Variants in IL12RB2 observed in about 807,000 individuals in gnomAD.
IL12RB2 encodes the protein interleukin 12 receptor subunit beta 2, also known as interleukin-12 receptor subunit beta-2.
A neutral mutation model predicts 89.4 loss-of-function variants in IL12RB2; 82 were observed. That is an observed-to-expected ratio of 0.92 (90% CI 0.77 to 1.10). IL12RB2 has a LOEUF of 1.10. Among genes scored for constraint, IL12RB2 ranks in the 50% least tolerant of loss-of-function variants. IL12RB2 has a pLI of 0.00. For missense variants in IL12RB2, 963 were observed against 1,031.9 expected (o/e 0.93, Z 0.92); for synonymous variants, 368 against 370.1 (o/e 0.99, Z 0.07).
intron 11 of IL12RB2, among the ~76,000 whole-genome samples, chr1:67,371,352 T>G (rs1249151791): frequency 6.6e-6 from 1 of 152,088 alleles, no homozygotes; most frequent in Admixed American, 6.6e-5. Flanking sequence ...TAATGAGCAA[T>G]GGATTTTCAT....
At chr1:67,373,416 G>T (rs1663590690) in intron 13 of IL12RB2, among the ~76,000 whole-genome samples, 1 of 152,238 alleles carries the variant, frequency 6.6e-6, no homozygotes. Context: ...CGCCAATCCT[G>T]TATAGGCCTT....
intron 3 of IL12RB2, 87 bp downstream of exon 3, chr1:67,320,531 T>G: frequency 6.3e-7 from 1 of 1,599,304 alleles, no homozygotes; most frequent in Non-Finnish European, 8.5e-7. Context: ...TGGTAAATGT[T>G]CTGGTAGTTG....
rs891417733 is a variant in IL12RB2 at position 67,397,429 on chromosome 1, G to T, written c.*1340G>T. Among the ~76,000 whole-genome samples, 3 of 152,184 alleles carry T rather than the reference G, an allele frequency of 2.0e-5. No individual in the cohort carries two copies. The highest frequency in any genetic ancestry group is 7.2e-5 in the African/African-American group (3 of 41,450). On this transcript the variant is annotated 3_prime_UTR_variant, in exon 17 of 17. Transcript: ENST00000674203. ...GTCTAAGACCCCAACCTCTGAGGTT[G>T]TCCTCAGAAGTGGTCTGTCCCCTGT...
chr1:67,383,127 G>A (rs540248431), intron 14 of IL12RB2, among the ~76,000 whole-genome samples: 13 of 152,272 alleles, frequency 8.5e-5, no homozygotes, highest in East Asian at 3.9e-4. Context: ...ACTTATAATC[G>A]TGGCAGAAGG....
At position 67,396,552 on chromosome 1, in the gene IL12RB2, A is replaced by C. The variant is rs567564583; in HGVS notation, c.*463A>C. Reference sequence around the variant, plus strand: ...GATGATGGAAATGTTCTACCTCTGCACTCACTGTCCAGTACATTAGACACT... The same window carrying C: ...GATGATGGAAATGTTCTACCTCTGCCCTCACTGTCCAGTACATTAGACACT... On this transcript the variant is annotated 3_prime_UTR_variant, in exon 17 of 17. Transcript: ENST00000674203. 4.3e-6 allele frequency: 1 copy of C among 231,278 alleles called. No homozygotes were observed. Among genetic ancestry groups the C allele is most frequent in the Non-Finnish European group, 8.6e-6 (1 of 115,776 alleles). The allele number at this position is 231,278 out of a possible 1,614,324, so 14.3% of individuals were successfully genotyped here.
intron 14 of IL12RB2, among the ~76,000 whole-genome samples, chr1:67,381,946 A>T (rs1664645766): frequency 6.6e-6 from 1 of 152,118 alleles, no homozygotes; most frequent in South Asian, 2.1e-4. Context: ...AGATCGCACC[A>T]CTGCACTCCA....
In IL12RB2 at chr1:67,396,135, C is replaced by A; in HGVS notation, c.*46C>A. 1.8e-6 allele frequency: 2 copies of A among 1,104,344 alleles called. No homozygotes were observed. The highest frequency in any genetic ancestry group is 1.5e-5 in the African/African-American group (1 of 65,378). The allele number at this position is 1,104,344 out of a possible 1,614,324, so 68.4% of individuals were successfully genotyped here. A position where few individuals can be genotyped will look rare whatever the true frequency, so the allele number is the denominator to read the frequency against. On this transcript the variant is annotated 3_prime_UTR_variant, in exon 17 of 17. Transcript: ENST00000674203. Reference sequence around the variant, plus strand: ...AAAGTCAGTGTGCCCTCAACCAGCACAGCCTGCCCCAATTCCCCCAGCCCC... The same window carrying A: ...AAAGTCAGTGTGCCCTCAACCAGCAAAGCCTGCCCCAATTCCCCCAGCCCC...
At chr1:67,386,872 T>TTTTA (rs1473033781) in intron 15 of IL12RB2, among the ~76,000 whole-genome samples, 887 of 47,984 alleles carry the variant, frequency 0.018, 4 homozygotes, top group Non-Finnish European at 0.029. Context: ...GAAATGTATT[T>TTTTA]TATATATATA....
chr1:67,366,098 T>C (rs1662632675), intron 10 of IL12RB2, among the ~76,000 whole-genome samples: 1 of 152,086 alleles, frequency 6.6e-6, no homozygotes, highest in African/African-American at 2.4e-5. Flanking sequence ...AATTGGCAGT[T>C]CATGGAAGGG....
chr1:67,374,093 T>C (rs940302976), intron 13 of IL12RB2, among the ~76,000 whole-genome samples: 2 of 149,664 alleles, frequency 1.3e-5, no homozygotes, highest in African/African-American at 4.9e-5. Context: ...TACAAGAATA[T>C]AGTTGAGATC....
chr1:67,372,658 C>T lies in IL12RB2; in HGVS notation c.1592C>T (p.Thr531Ile). Reference sequence around the variant, plus strand: ...AGTGGCCCCCACATTAATGCCATCACAGAGGAAAAGGGGAGCATTTTAATT... The same window carrying T: ...AGTGGCCCCCACATTAATGCCATCATAGAGGAAAAGGGGAGCATTTTAATT... ...PLSGPHINAI[T>I]EEKGSILISW... Residue 531 changes from threonine (T) to isoleucine (I), a missense_variant, in exon 13 of 17, where the codon ACA becomes ATA. Thr to Ile is a moderately conservative substitution (Grantham distance 89). Transcript: ENST00000674203. 1.2e-6 allele frequency: 2 copies of T among 1,613,432 alleles called. No individual in the cohort carries two copies. Among genetic ancestry groups the T allele is most frequent in the Non-Finnish European group, 1.7e-6 (2 of 1,179,398 alleles).
chr1:67,396,084 C>T lies in IL12RB2; in HGVS notation c.2584C>T (p.Leu862Phe). The change falls in exon 17 of 17, where the codon CTC becomes TTC. Residue 862 changes from leucine (L) to phenylalanine (F), a missense_variant. By Grantham distance (22) the Leu-to-Phe change is conservative. Transcript: ENST00000674203. ...AAAGATGAGGTGTGACTCCCTCATG[C>T]TCTGAGTGGTGAGGCTTCAAGCCTT... ...QLKMRCDSLM[L>F] The T allele has an allele frequency of 1.9e-6, 3 of 1,578,504 alleles. No individual in the cohort carries two copies.
At position 67,395,281 on chromosome 1, in the gene IL12RB2, AAAAG is replaced by A. The variant is rs562140700; in HGVS notation, c.2047-254_2047-251del. Reference sequence around the variant, plus strand: ...CGACTTCGTCTCAAGAAAAAAAAAAAAAAGAAAGAAAGAAACAGGTTGAAGGTTG... The same window carrying A: ...CGACTTCGTCTCAAGAAAAAAAAAAAAAAGAAAGAAACAGGTTGAAGGTTG... On this transcript the variant is annotated intron_variant, in intron 16 of 16. Transcript: ENST00000674203. Among the ~76,000 whole-genome samples, 1,425 of 151,970 alleles carry A rather than the reference AAAAG, an allele frequency of 9.4e-3. 20 individuals carry two copies. The highest frequency in any genetic ancestry group is 0.032 in the African/African-American group (1,342 of 41,432).
At chr1:67,348,661 TA>T (rs1329730819) in intron 9 of IL12RB2, among the ~76,000 whole-genome samples, 2 of 149,686 alleles carry the variant, frequency 1.3e-5, no homozygotes, top group East Asian at 3.9e-4. Context: ...TATGTTGCCT[TA>T]AAAAATTAAA....
Position 67,328,352 on chromosome 1 carries a change from C to T in IL12RB2, c.632C>T (p.Ser211Leu), listed in dbSNP as rs1366329501. 1.2e-6 allele frequency: 2 copies of T among 1,614,194 alleles called. No homozygotes were observed. The highest frequency in any genetic ancestry group is 1.7e-5 in the Admixed American group (1 of 60,028). ...TAVNSLGSSS[S>L]LPSTFTFLDI... ...GTCAATAGTCTTGGAAGCTCCTCTTCACTTCCATCCACATTCACATTCTTG... is the reference window on the plus strand; with the variant it reads ...GTCAATAGTCTTGGAAGCTCCTCTTTACTTCCATCCACATTCACATTCTTG... Residue 211 changes from serine (S) to leucine (L), a missense_variant, in exon 6 of 17, where the codon TCA (serine) becomes TTA (leucine). Ser to Leu is a moderately radical substitution (Grantham distance 145). Coordinates refer to ENST00000674203, the MANE Select transcript of IL12RB2 (RefSeq NM_001374259.2).
intron 16 of IL12RB2, 32 bp downstream of exon 16, chr1:67,390,160 G>A (rs751579466): frequency 4.5e-6 from 4 of 896,726 alleles, no homozygotes; most frequent in Non-Finnish European, 7.6e-6. Context: ...GTCAGTCAGT[G>A]GAGTTCTAGT....
chr1:67,364,498 T>A (rs1662461984), intron 10 of IL12RB2, among the ~76,000 whole-genome samples: 1 of 152,222 alleles, frequency 6.6e-6, no homozygotes, highest in Non-Finnish European at 1.5e-5. Flanking sequence ...AGTAGCTGTA[T>A]TAATTTCAGA....
chr1:67,355,667 C>T (rs1661315729), intron 10 of IL12RB2, among the ~76,000 whole-genome samples: 1 of 152,152 alleles, frequency 6.6e-6, no homozygotes, highest in African/African-American at 2.4e-5. Context: ...AACCAGACCA[C>T]CCTTGGGTGA....
chr1:67,356,406 G>A (rs935775966), intron 10 of IL12RB2, among the ~76,000 whole-genome samples: 4 of 152,218 alleles, frequency 2.6e-5, no homozygotes, highest in Non-Finnish European at 5.9e-5. Context: ...TGTCAAGGCA[G>A]CCCTGGAACC....
Sources: gnomAD v4.1 joint callset for allele counts (sites outside exome capture counted in the v4.1 genomes callset) on GRCh38, gnomAD v4.1.1 for gene constraint, MANE v1.5 for transcripts, NCBI Gene and HGNC (gene_info 2026-07-23, HGNC 2026-07-21) for gene names.